Variants in MAVS observed in about 807,000 individuals in gnomAD.
MAVS encodes mitochondrial antiviral-signaling protein.
In MAVS, 20 loss-of-function variants were observed where a neutral mutation model predicts 30.2. The observed-to-expected ratio is 0.66, with a 90% CI of 0.47 to 0.96. The LOEUF is 0.96. Among genes scored for constraint, MAVS ranks in the 40% least tolerant of loss-of-function variants. MAVS has a pLI of 0.00. For missense variants in MAVS, 624 were observed against 701.1 expected (o/e 0.89, Z 1.24); for synonymous variants, 278 against 293.9 (o/e 0.95, Z 0.55).
chr20:3,874,874 C>T lies in MAVS; in HGVS notation c.*8727C>T, dbSNP rs2089979957. The T allele has an allele frequency of 6.6e-6, 1 of 152,486 alleles. No individual in the cohort carries two copies. The highest frequency in any genetic ancestry group is 1.5e-5 in the Non-Finnish European group (1 of 68,166). The allele number at this position is 152,486 out of a possible 1,614,324, so 9.4% of individuals were successfully genotyped here. On this transcript the variant is annotated 3_prime_UTR_variant, in exon 7 of 7. Transcript: ENST00000428216. ...GCCACCATCGCTGGAATGGGGGACACACAGTACTTCCTCCAGCTGCCTACA... is the reference window on the plus strand; with the variant it reads ...GCCACCATCGCTGGAATGGGGGACATACAGTACTTCCTCCAGCTGCCTACA...
At chr20:3,863,063 G>A (rs922923920) in intron 5 of MAVS, among the ~76,000 whole-genome samples, 1 of 152,204 alleles carries the variant, frequency 6.6e-6, no homozygotes, top group African/African-American at 2.4e-5. Context: ...AACAGCCAGG[G>A]CCTATAGGGC....
At chr20:3,854,516 AC>A (rs1191974083) in intron 1 of MAVS, 41 bp from the exon 2 acceptor site, 1 of 634,704 alleles carries the variant, frequency 1.6e-6, no homozygotes. Context: ...CCCACTCCCA[AC>A]CCCCCAACCC....
In MAVS at chr20:3,857,638, C is replaced by G. The variant is rs200861245; in HGVS notation, c.121C>G (p.Arg41Gly). 6.2e-7 allele frequency: 1 copy of G among 1,609,322 alleles called. No homozygotes were observed. Among genetic ancestry groups the G allele is most frequent in the South Asian group, 1.1e-5 (1 of 90,610 alleles). Residue 41 changes from arginine to glycine, a missense_variant, in exon 3 of 7, where the codon CGA becomes GGA. Physicochemically the swap from Arg to Gly is moderately radical, Grantham distance 125. Coordinates refer to ENST00000428216, the MANE Select transcript of MAVS (RefSeq NM_020746.5). ...ACAGTGGCATTGTGTCTTCCAGGAT[C>G]GACTGCGGGCCACCTGCACACTCTC... ...LPCLTARDQD[R>G]LRATCTLSGN...
chr20:3,855,141 G>A (rs1001943093), intron 2 of MAVS, among the ~76,000 whole-genome samples: 9 of 151,834 alleles, frequency 5.9e-5, no homozygotes, highest in Non-Finnish European at 8.8e-5. Context: ...CGCCTGCCTC[G>A]GCCTCCCAAA....
intron 4 of MAVS, among the ~76,000 whole-genome samples, 179 bp from the exon 5 acceptor site, chr20:3,862,075 C>CGTAAGG (rs2089871089): frequency 1.3e-5 from 2 of 152,098 alleles, no homozygotes; most frequent in African/African-American, 4.8e-5. Flanking sequence ...GTGAGGTAGA[C>CGTAAGG]GTAAGGACAC....
intron 3 of MAVS, 113 bp downstream of exon 3, chr20:3,857,922 T>C: frequency 8.4e-7 from 1 of 1,193,164 alleles, no homozygotes; most frequent in Non-Finnish European, 1.2e-6. Context: ...TTCTTGTCAC[T>C]GTGAAGCGAT....
At position 3,865,583 on chromosome 20, in the gene MAVS, G is replaced by T; in HGVS notation, c.1159-100G>T. ...ATTATAGATTGGGAATTGAGGGGTTGGAGTGTTAGTTCATGCCCTGGCCTG... is the reference window on the plus strand; with the variant it reads ...ATTATAGATTGGGAATTGAGGGGTTTGAGTGTTAGTTCATGCCCTGGCCTG... On this transcript the variant is annotated intron_variant, in intron 6 of 6. Coordinates refer to ENST00000428216, the MANE Select transcript of MAVS (RefSeq NM_020746.5). The surrounding 1 kb of genome is among the most constrained non-coding windows in gnomAD (Gnocchi z 4.7). 9.1e-7 allele frequency: 1 copy of T among 1,094,368 alleles called. No individual in the cohort carries two copies. Among genetic ancestry groups the T allele is most frequent in the South Asian group, 1.6e-5 (1 of 61,912 alleles). The allele number at this position is 1,094,368 out of a possible 1,614,324, so 67.8% of individuals were successfully genotyped here. A position where few individuals can be genotyped will look rare whatever the true frequency, so the allele number is the denominator to read the frequency against.
At chr20:3,847,503 A>C (rs57082072) in intron 1 of MAVS, among the ~76,000 whole-genome samples, 18,213 of 152,172 alleles carry the variant, frequency 0.12, 1,569 homozygotes, top group African/African-American at 0.24. Flanking sequence ...TCTGTCACCT[A>C]CTTCCTTCTC....
At chr20:3,861,601 T>G (rs565048935) in intron 4 of MAVS, 97 bp downstream of exon 4, 1 of 1,303,604 alleles carries the variant, frequency 7.7e-7, no homozygotes, top group East Asian at 2.4e-5. Flanking sequence ...CCGTCCCCTA[T>G]AAATCACGCC....
chr20:3,856,854 C>T (rs1410220347), intron 2 of MAVS, among the ~76,000 whole-genome samples: 1 of 151,752 alleles, frequency 6.6e-6, no homozygotes, highest in Admixed American at 6.6e-5. Context: ...GCCAACATGG[C>T]GAAACCATGT....
chr20:3,861,612 T>A, intron 4 of MAVS, 108 bp downstream of exon 4: 1 of 1,202,800 alleles, frequency 8.3e-7, no homozygotes, highest in Non-Finnish European at 1.2e-6. Flanking sequence ...AAATCACGCC[T>A]AATCTCTGCT....
chr20:3,859,977 C>T (rs907279157), intron 3 of MAVS, among the ~76,000 whole-genome samples: 31 of 151,422 alleles, frequency 2.0e-4, no homozygotes, highest in Admixed American at 3.9e-4. Flanking sequence ...CAACCATGCC[C>T]GGCTAACTTT....
rs145197463 is a variant in MAVS at position 3,872,616 on chromosome 20, C to T, written c.*6469C>T. 329 of 152,374 alleles carry T rather than the reference C, an allele frequency of 2.2e-3. 1 individual carries two copies. The highest frequency in any genetic ancestry group is 4.4e-3 in the South Asian group (21 of 4,820). The allele number at this position is 152,374 out of a possible 1,614,324, so 9.4% of individuals were successfully genotyped here. On this transcript the variant is annotated 3_prime_UTR_variant, in exon 7 of 7. Coordinates refer to ENST00000428216, the MANE Select transcript of MAVS (RefSeq NM_020746.5). ...GCCAGGCTCAATGCCCCAGGCTGGG[C>T]GAGGTGGGGCAGGGGACACAGCCTA... is the stretch of plus-strand genomic sequence containing the variant.
In MAVS at chr20:3,857,771, C is replaced by T. The variant is rs757816931; in HGVS notation, c.254C>T (p.Ala85Val). The change falls in exon 3 of 7, where the codon GCG becomes GTG. Residue 85 changes from alanine (A) to valine (V), a missense_variant. Coordinates refer to ENST00000428216, the MANE Select transcript of MAVS (RefSeq NM_020746.5). ...AGGGGCTGTGAGCTAGTTGATCTCG[C>T]GGACGAAGTGGCCTCTGTCTACCAG... ...ALRGCELVDLADEVASVYQSY... is the reference protein window; with the variant it reads ...ALRGCELVDLVDEVASVYQSY... 84 of 1,614,072 alleles carry T rather than the reference C, an allele frequency of 5.2e-5. 1 individual carries two copies. The highest frequency in any genetic ancestry group is 1.6e-4 in the Middle Eastern group (1 of 6,084).
At chr20:3,856,714 T>A (rs2089813911) in intron 2 of MAVS, among the ~76,000 whole-genome samples, 1 of 152,054 alleles carries the variant, frequency 6.6e-6, no homozygotes, top group Non-Finnish European at 1.5e-5. Context: ...TGGTTGCTTG[T>A]TTTTATGTGA....
chr20:3,854,059 A>C (rs1338427509), intron 1 of MAVS, among the ~76,000 whole-genome samples: 1 of 150,872 alleles, frequency 6.6e-6, no homozygotes, highest in Non-Finnish European at 1.5e-5. Context: ...TGGCCTCCCA[A>C]AGTGCTGGGA....
At chr20:3,862,562 G>A (rs948606614) in intron 5 of MAVS, 149 bp downstream of exon 5, 3 of 814,474 alleles carry the variant, frequency 3.7e-6, no homozygotes, top group East Asian at 3.0e-5. Context: ...CTTAGTGGGT[G>A]TATCAGTTAG....
At chr20:3,856,228 G>A (rs2089809031) in intron 2 of MAVS, among the ~76,000 whole-genome samples, 1 of 151,136 alleles carries the variant, frequency 6.6e-6, no homozygotes, top group Non-Finnish European at 1.5e-5. Flanking sequence ...CTAATTTTTT[G>A]TATTTTTAAT....
intron 3 of MAVS, 114 bp from the exon 4 acceptor site, chr20:3,861,218 G>C (rs2089864257): frequency 3.1e-6 from 3 of 966,180 alleles, no homozygotes; most frequent in Non-Finnish European, 4.7e-6. Context: ...GGGTGGTCTC[G>C]ATCTGACCTC....
Sources: allele counts gnomAD v4.1 joint callset (sites outside exome capture counted in the v4.1 genomes callset), GRCh38; gene constraint gnomAD v4.1.1; non-coding constraint Gnocchi (gnomAD v3.1); transcripts MANE v1.5; gene names NCBI Gene and HGNC (gene_info 2026-07-23, HGNC 2026-07-21).